Variants in SDC2 observed in about 807,000 individuals in gnomAD.
SDC2 encodes syndecan 2.
Under a neutral mutation model 22.2 loss-of-function variants are expected in SDC2, and 13 were observed. The ratio of observed to expected loss-of-function variants is 0.59; its 90% CI spans 0.38 to 0.93. SDC2 has a LOEUF of 0.93. Among genes scored for constraint, SDC2 ranks in the 40% least tolerant of loss-of-function variants. The probability of loss-of-function intolerance (pLI) is 0.00; values close to 1 mark genes in which losing one functional copy is unlikely to be tolerated. For missense variants in SDC2, 235 were observed against 246.8 expected (o/e 0.95, Z 0.32); for synonymous variants, 94 against 92.8 (o/e 1.01, Z -0.07).
At chr8:96,590,959 T>A (rs1324737209) in intron 1 of SDC2, among the ~76,000 whole-genome samples, 1 of 152,090 alleles carries the variant, frequency 6.6e-6, no homozygotes, top group East Asian at 1.9e-4. Flanking sequence ...CACCCTGACT[T>A]CCACCCCAAG....
intron 1 of SDC2, among the ~76,000 whole-genome samples, chr8:96,535,815 C>A (rs1813745486): frequency 6.6e-6 from 1 of 152,140 alleles, no homozygotes; most frequent in African/African-American, 2.4e-5. Flanking sequence ...ATTAGCTGAA[C>A]AGAACAAAGA....
chr8:96,531,226 A>C (rs979591493), intron 1 of SDC2, among the ~76,000 whole-genome samples: 64 of 152,242 alleles, frequency 4.2e-4, no homozygotes, highest in African/African-American at 1.4e-3. Context: ...CATTATGATA[A>C]ATAGAATTTG....
At chr8:96,532,657 C>T (rs1264447790) in intron 1 of SDC2, among the ~76,000 whole-genome samples, 1 of 152,064 alleles carries the variant, frequency 6.6e-6, no homozygotes, top group Admixed American at 6.6e-5. Context: ...CTGCCACCCC[C>T]ATCCCCCCAA....
chr8:96,506,191 C>T (rs1813235854), intron 1 of SDC2, among the ~76,000 whole-genome samples: 1 of 152,058 alleles, frequency 6.6e-6, no homozygotes, highest in East Asian at 1.9e-4. Flanking sequence ...TTCTCTTTTT[C>T]CCAATCTTCT....
At position 96,494,261 on chromosome 8, in the gene SDC2, C is replaced by T. The variant is rs1003218186; in HGVS notation, c.-11C>T. ...CAAGCAGCGGCTGGGAGCAGCCGGT[C>T]CCTGGGGAATATGCGGCGCGCGTGG... On this transcript the variant is annotated 5_prime_UTR_variant, in exon 1 of 5. Coordinates refer to ENST00000302190, the MANE Select transcript of SDC2 (RefSeq NM_002998.4). 6.5e-7 allele frequency: 1 copy of T among 1,544,156 alleles called. No individual in the cohort carries two copies. The highest frequency in any genetic ancestry group is 8.7e-7 in the Non-Finnish European group (1 of 1,148,056).
chr8:96,588,070 T>C (rs1461172367), intron 1 of SDC2, among the ~76,000 whole-genome samples: 1 of 152,186 alleles, frequency 6.6e-6, no homozygotes, highest in Admixed American at 6.5e-5. Flanking sequence ...GCTAATCCTT[T>C]TGAACCCGAG....
At chr8:96,538,369 A>G (rs1012338683) in intron 1 of SDC2, among the ~76,000 whole-genome samples, 2 of 151,812 alleles carry the variant, frequency 1.3e-5, no homozygotes, top group African/African-American at 4.8e-5. Flanking sequence ...CCTCTTAAAT[A>G]CACATATTAA....
At chr8:96,499,007 A>G (rs1813118632) in intron 1 of SDC2, among the ~76,000 whole-genome samples, 1 of 152,056 alleles carries the variant, frequency 6.6e-6, no homozygotes, top group South Asian at 2.1e-4. Flanking sequence ...TGTCCTTGTT[A>G]TCATGGCATA....
intron 2 of SDC2, among the ~76,000 whole-genome samples, chr8:96,599,421 G>A (rs1039645530): frequency 6.6e-6 from 1 of 152,018 alleles, no homozygotes; most frequent in Non-Finnish European, 1.5e-5. Context: ...TTTATTCTTT[G>A]TAAGAAAATG....
At chr8:96,564,922 T>G (rs1432334589) in intron 1 of SDC2, among the ~76,000 whole-genome samples, 1 of 151,966 alleles carries the variant, frequency 6.6e-6, no homozygotes, top group Non-Finnish European at 1.5e-5. Context: ...CTCTGTACAT[T>G]CTTCACTTTG....
intron 1 of SDC2, among the ~76,000 whole-genome samples, chr8:96,570,358 C>A (rs1814372987): frequency 6.6e-6 from 1 of 152,232 alleles, no homozygotes; most frequent in Middle Eastern, 3.4e-3. Flanking sequence ...AAAGCATCTG[C>A]CTTAAAGACA....
At chr8:96,599,918 A>T (rs1053398845) in intron 2 of SDC2, among the ~76,000 whole-genome samples, 1 of 152,306 alleles carries the variant, frequency 6.6e-6, no homozygotes. Flanking sequence ...AGGCAGGAGG[A>T]TCCCTTGAGC....
chr8:96,507,630 G>A (rs1426563590), intron 1 of SDC2, among the ~76,000 whole-genome samples: 2 of 152,178 alleles, frequency 1.3e-5, no homozygotes, highest in African/African-American at 4.8e-5. Flanking sequence ...AAAGCTTCCT[G>A]GAGATAAGAA....
intron 1 of SDC2, among the ~76,000 whole-genome samples, chr8:96,520,552 G>T (rs1161676113): frequency 2.6e-5 from 4 of 152,196 alleles, no homozygotes; most frequent in Admixed American, 6.5e-5. Context: ...GACAGGGTGT[G>T]TGCTTATGTT....
At chr8:96,581,309 G>A (rs1011862107) in intron 1 of SDC2, among the ~76,000 whole-genome samples, 1 of 152,074 alleles carries the variant, frequency 6.6e-6, no homozygotes, top group African/African-American at 2.4e-5. Flanking sequence ...TTCATCCTGT[G>A]CGACCCTGAT....
intron 1 of SDC2, among the ~76,000 whole-genome samples, chr8:96,571,682 T>C (rs1252343039): frequency 1.3e-5 from 2 of 152,170 alleles, no homozygotes; most frequent in African/African-American, 2.4e-5. Context: ...CTGGCTTACA[T>C]ACCACTTTGC....
intron 1 of SDC2, among the ~76,000 whole-genome samples, chr8:96,495,431 A>G (rs1262458265): frequency 3.9e-5 from 6 of 152,098 alleles, no homozygotes; most frequent in African/African-American, 1.2e-4. Flanking sequence ...AGCTGCCTCC[A>G]CCTGGGCGCC....
chr8:96,577,244 T>A (rs1271280039), intron 1 of SDC2, among the ~76,000 whole-genome samples: 1 of 152,208 alleles, frequency 6.6e-6, no homozygotes, highest in African/African-American at 2.4e-5. Context: ...TTGAGTCTGA[T>A]ACCAGAGAGA....
intron 1 of SDC2, among the ~76,000 whole-genome samples, chr8:96,576,374 GTTTTGTTTTGT>G (rs1386428444): frequency 2.5e-5 from 1 of 40,632 alleles, no homozygotes; most frequent in Non-Finnish European, 4.8e-5. Flanking sequence ...GTTTGTTTTT[GTTTTGTTTTGT>G]TTTTTTTTAC....
Sources: allele counts gnomAD v4.1 joint callset (sites outside exome capture counted in the v4.1 genomes callset), GRCh38; gene constraint gnomAD v4.1.1; transcripts MANE v1.5; gene names NCBI Gene and HGNC (gene_info 2026-07-23, HGNC 2026-07-21).